EFR3B: variants seen among roughly 807,000 people sequenced by gnomAD.
EFR3B encodes the protein EFR3 homolog B, also known as protein EFR3 homolog B.
EFR3B carries 64 observed loss-of-function variants against 104.7 expected under a neutral mutation model. That is an observed-to-expected ratio of 0.61 (90% CI 0.50 to 0.75). EFR3B has a LOEUF of 0.75. Ranked by LOEUF, EFR3B falls within the 30% of genes least tolerant of loss-of-function variation. The probability of loss-of-function intolerance (pLI) is 0.00; values close to 1 mark genes in which losing one functional copy is unlikely to be tolerated. For synonymous variants in EFR3B, 385 were observed against 417.9 expected (o/e 0.92, Z 0.96); for missense variants, 750 against 1,078.5 (o/e 0.70, Z 4.27).
chr2:25,081,045 T>G (rs1443765820), intron 1 of EFR3B: 2 of 745,404 alleles, frequency 2.7e-6, no homozygotes, highest in Non-Finnish European at 5.0e-6. Flanking sequence ...GACACCACCA[T>G]GTGAACTTCC....
At chr2:25,074,591 G>T (rs1277290104) in intron 1 of EFR3B, among the ~76,000 whole-genome samples, 1 of 151,154 alleles carries the variant, frequency 6.6e-6, no homozygotes, top group Non-Finnish European at 1.5e-5. Context: ...AGAAAAGAAA[G>T]AAGCATCTTT....
At chr2:25,063,404 G>A (rs1399769613) in intron 1 of EFR3B, among the ~76,000 whole-genome samples, 1 of 152,074 alleles carries the variant, frequency 6.6e-6, no homozygotes, top group African/African-American at 2.4e-5. Context: ...ATACTCTCTG[G>A]CTAGGAATGG....
chr2:25,128,754 C>G (rs1278018595), intron 6 of EFR3B, among the ~76,000 whole-genome samples: 1 of 151,280 alleles, frequency 6.6e-6, no homozygotes, highest in Non-Finnish European at 1.5e-5. Flanking sequence ...GTCAGGAGAT[C>G]GAGACCATCC....
chr2:25,073,253 C>G (rs1484495655), intron 1 of EFR3B, among the ~76,000 whole-genome samples: 1 of 152,196 alleles, frequency 6.6e-6, no homozygotes, highest in Admixed American at 6.5e-5. Context: ...CGTGGCACAC[C>G]TGCCTGAGGT....
intron 1 of EFR3B, among the ~76,000 whole-genome samples, chr2:25,056,888 G>A (rs577361685): frequency 1.3e-5 from 2 of 152,288 alleles, no homozygotes; most frequent in East Asian, 3.9e-4. Flanking sequence ...TCTGGACAAG[G>A]GGAAGAGTTG....
intron 1 of EFR3B, among the ~76,000 whole-genome samples, chr2:25,057,511 G>A (rs1573167792): frequency 6.6e-6 from 1 of 152,186 alleles, no homozygotes; most frequent in African/African-American, 2.4e-5. Flanking sequence ...GCTGAGCACG[G>A]TGGCTCACGC....
chr2:25,093,382 T>A (rs1669189764), intron 3 of EFR3B, among the ~76,000 whole-genome samples: 1 of 151,838 alleles, frequency 6.6e-6, no homozygotes, highest in Admixed American at 6.6e-5. Context: ...TAGTGCCAGC[T>A]ACTTGGGAGG....
intron 1 of EFR3B, among the ~76,000 whole-genome samples, chr2:25,050,138 A>G (rs543464312): frequency 1.3e-5 from 2 of 152,116 alleles, no homozygotes; most frequent in Non-Finnish European, 1.5e-5. Flanking sequence ...CTGAAAAAAA[A>G]AAAAATAGAT....
intron 1 of EFR3B, 131 bp from the exon 2 acceptor site, chr2:25,091,194 C>A: frequency 1.2e-6 from 1 of 828,146 alleles, no homozygotes; most frequent in Non-Finnish European, 1.9e-6. Flanking sequence ...CCCGAGCCCT[C>A]CAAGGGAGGG....
intron 3 of EFR3B, 57 bp from the exon 4 acceptor site, chr2:25,103,580 G>A: frequency 6.6e-7 from 1 of 1,521,788 alleles, no homozygotes; most frequent in African/African-American, 1.4e-5. Flanking sequence ...GCATGCCCTG[G>A]TTGGGCCATG....
chr2:25,042,305 C>T lies in EFR3B; in HGVS notation c.-8C>T. 2.3e-6 allele frequency: 3 copies of T among 1,291,428 alleles called. No individual in the cohort carries two copies. The highest frequency in any genetic ancestry group is 2.0e-6 in the Non-Finnish European group (2 of 1,021,276). 80.0% of individuals were successfully genotyped at this position (1,291,428 alleles called of 1,614,324 possible). On this transcript the variant is annotated 5_prime_UTR_variant, in exon 1 of 23. Transcript: ENST00000403714. The surrounding 1 kb of genome is among the most constrained non-coding windows in gnomAD (Gnocchi z 5.4). Reference sequence around the variant, plus strand: ...GCCGGCCTCTCGAGAGGCGCGCGCCCCGCCGAGATGTACGGTAAGGAGGGC... The same window carrying T: ...GCCGGCCTCTCGAGAGGCGCGCGCCTCGCCGAGATGTACGGTAAGGAGGGC...
Position 25,158,205 on chromosome 2 carries a change from T to G in EFR3B, c.*3865T>G, listed in dbSNP as rs1263549384. On this transcript the variant is annotated 3_prime_UTR_variant, in exon 23 of 23. Transcript: ENST00000403714. ...CCTGACCTGGTGACAGAGAGTGCCC[T>G]GCAGAAGTGAGTCTATTTTTCCCAA... is the stretch of plus-strand genomic sequence containing the variant. 6.6e-6 allele frequency: 1 copy of G among 152,334 alleles called. No individual in the cohort carries two copies. Among genetic ancestry groups the G allele is most frequent in the Non-Finnish European group, 1.5e-5 (1 of 68,124 alleles). 9.4% of individuals were successfully genotyped at this position (152,334 alleles called of 1,614,324 possible).
chr2:25,135,704 C>A, intron 13 of EFR3B, 65 bp downstream of exon 13: 2 of 1,523,860 alleles, frequency 1.3e-6, no homozygotes, highest in East Asian at 4.9e-5. Flanking sequence ...TAGGTCCTAT[C>A]CTTTGGTCCT....
intron 1 of EFR3B, chr2:25,081,201 G>T: frequency 1.2e-6 from 1 of 803,536 alleles, no homozygotes; most frequent in Non-Finnish European, 2.1e-6. Flanking sequence ...AATCATTTCT[G>T]AGGAAACAGC....
At chr2:25,083,222 C>G (rs1025571379) in intron 1 of EFR3B, among the ~76,000 whole-genome samples, 2 of 152,204 alleles carry the variant, frequency 1.3e-5, no homozygotes, top group African/African-American at 4.8e-5. Context: ...AATTTACCTT[C>G]AGCTACTGTG....
chr2:25,090,955 T>A (rs1378864818), intron 1 of EFR3B, among the ~76,000 whole-genome samples: 1 of 152,176 alleles, frequency 6.6e-6, no homozygotes, highest in East Asian at 1.9e-4. Flanking sequence ...TGTGTCTGTG[T>A]GTGAGTGTGT....
At chr2:25,150,792 G>T (rs55667219) in intron 20 of EFR3B, among the ~76,000 whole-genome samples, 1 of 151,980 alleles carries the variant, frequency 6.6e-6, no homozygotes, top group Non-Finnish European at 1.5e-5. Flanking sequence ...TGTATTTTTA[G>T]TAGAGACAGG....
At position 25,137,297 on chromosome 2, in the gene EFR3B, C is replaced by T; in HGVS notation, c.1561-44C>T. ...TCCGTGTTCTCCTTGCCCCTCCTGTCCCCATCCCTCCGACCCTGGCCTTCT... is the reference window on the plus strand; with the variant it reads ...TCCGTGTTCTCCTTGCCCCTCCTGTTCCCATCCCTCCGACCCTGGCCTTCT... On this transcript the variant is annotated intron_variant, in intron 14 of 22. Transcript: ENST00000403714. The surrounding 1 kb of genome is among the most constrained non-coding windows in gnomAD (Gnocchi z 4.7). 4.5e-6 allele frequency: 7 copies of T among 1,548,454 alleles called. No homozygotes were observed. The South Asian group carries it at 6.0e-5, about 13-fold the overall frequency.
chr2:25,042,153 T>G lies in EFR3B; in HGVS notation c.-160T>G, dbSNP rs1667589492. 2 of 633,190 alleles carry G rather than the reference T, an allele frequency of 3.2e-6. No individual in the cohort carries two copies. 39.2% of individuals were successfully genotyped at this position (633,190 alleles called of 1,614,324 possible). ...GGGCTGGCGGCGCCCGGCTCCGTCC[T>G]GCCCGCGGCCGGCCCCCGCGTCTGC... On this transcript the variant is annotated 5_prime_UTR_variant, in exon 1 of 23. Transcript: ENST00000403714. This position sits in a 1 kb window ranked among gnomAD's most constrained non-coding sequence, Gnocchi z 5.4.
Sources: allele counts gnomAD v4.1 joint callset (sites outside exome capture counted in the v4.1 genomes callset), GRCh38; gene constraint gnomAD v4.1.1; non-coding constraint Gnocchi (gnomAD v3.1); transcripts MANE v1.5; gene names NCBI Gene and HGNC (gene_info 2026-07-23, HGNC 2026-07-21).